The following EHBP1 variants were observed in gnomAD, a reference collection of about 807,000 sequenced individuals.
EHBP1 encodes EH domain-binding protein 1.
EHBP1 carries 55 observed loss-of-function variants against 144.0 expected under a neutral mutation model. That is an observed-to-expected ratio of 0.38 (90% CI 0.31 to 0.48). The LOEUF is 0.48. Among genes scored for constraint, EHBP1 ranks in the 20% least tolerant of loss-of-function variants. The probability of loss-of-function intolerance (pLI) is 0.98; values close to 1 mark genes in which losing one functional copy is unlikely to be tolerated. For synonymous variants in EHBP1, 469 were observed against 472.7 expected (o/e 0.99, Z 0.10); for missense variants, 1,200 against 1,364.2 (o/e 0.88, Z 1.90).
chr2:63,037,541 A>G lies in EHBP1; in HGVS notation c.3110A>G (p.Asn1037Ser). 1 of 1,604,826 alleles carries G rather than the reference A, an allele frequency of 6.2e-7. No individual in the cohort carries two copies. The highest frequency in any genetic ancestry group is 8.5e-7 in the Non-Finnish European group (1 of 1,174,794). ...AACTCTTCCCGAATTATAGGAAGGAACACAGAAGAAGAAGAAGCTATGATG... is the reference window on the plus strand; with the variant it reads ...AACTCTTCCCGAATTATAGGAAGGAGCACAGAAGAAGAAGAAGCTATGATG... ...RLRYLMDTGR[N>S]TEEEEAMMQE... The change falls in exon 20 of 23, where the codon AAC (asparagine) becomes AGC (serine). Residue 1037 changes from asparagine to serine, a missense_variant. By Grantham distance (46) the Asn-to-Ser change is conservative. Transcript: ENST00000431489.
intron 14 of EHBP1, among the ~76,000 whole-genome samples, chr2:62,973,831 C>T (rs1233812021): frequency 1.3e-5 from 2 of 152,166 alleles, no homozygotes; most frequent in East Asian, 3.9e-4. Context: ...GAAACCCCAT[C>T]TCTCCAAAAT....
intron 10 of EHBP1, among the ~76,000 whole-genome samples, chr2:62,893,764 C>G (rs2052647195): frequency 6.6e-6 from 1 of 152,074 alleles, no homozygotes; most frequent in Admixed American, 6.6e-5. Context: ...TGTATTAAGG[C>G]TGGGCATGGT....
At chr2:62,904,537 C>T (rs549875793) in intron 10 of EHBP1, among the ~76,000 whole-genome samples, 2 of 152,200 alleles carry the variant, frequency 1.3e-5, no homozygotes, top group African/African-American at 2.4e-5. Flanking sequence ...GCTTCACCCC[C>T]CCGGCCCATG....
chr2:62,759,021 TGTACTAGGTACAC>T lies in EHBP1; in HGVS notation c.163-5242_163-5230del, dbSNP rs2040539044. Among the ~76,000 whole-genome samples, 4 of 152,356 alleles carry T rather than the reference TGTACTAGGTACAC, an allele frequency of 2.6e-5. No homozygotes were observed. In the South Asian group the frequency reaches 8.3e-4, roughly 32 times the overall value. On this transcript the variant is annotated intron_variant, in intron 3 of 22. Transcript: ENST00000431489. ...TGATTGCTAACTCTGTACTTAGTTCTGTACTAGGTACACGTTTTTTAGGTAAGAATATGACATG... is the reference window on the plus strand; with the variant it reads ...TGATTGCTAACTCTGTACTTAGTTCTGTTTTTTAGGTAAGAATATGACATG...
At chr2:62,818,234 C>A (rs2045593569) in intron 5 of EHBP1, among the ~76,000 whole-genome samples, 1 of 138,034 alleles carries the variant, frequency 7.2e-6, no homozygotes, top group African/African-American at 2.7e-5. Context: ...CACTCACTCA[C>A]TGACTTAACC....
intron 8 of EHBP1, among the ~76,000 whole-genome samples, chr2:62,860,243 G>A (rs2160100): frequency 0.82 from 124,805 of 152,176 alleles, 51,645 homozygotes; most frequent in African/African-American, 0.94. Context: ...TAATCTCAGC[G>A]CTTTGGGAGG....
At chr2:62,788,330 A>G (rs758494310) in intron 5 of EHBP1, among the ~76,000 whole-genome samples, 2 of 151,910 alleles carry the variant, frequency 1.3e-5, no homozygotes, top group Non-Finnish European at 2.9e-5. Flanking sequence ...CATAATTCGT[A>G]TGTGTTGTGA....
At chr2:62,837,462 A>G (rs1399653039) in intron 7 of EHBP1, among the ~76,000 whole-genome samples, 1 of 151,974 alleles carries the variant, frequency 6.6e-6, no homozygotes, top group East Asian at 1.9e-4. Context: ...TAACATCATA[A>G]TGACAGGATC....
intron 7 of EHBP1, among the ~76,000 whole-genome samples, chr2:62,851,826 A>G (rs1322444889): frequency 1.3e-5 from 2 of 152,174 alleles, no homozygotes; most frequent in Non-Finnish European, 2.9e-5. Context: ...TACTTAAGCT[A>G]AGGATAAATG....
intron 10 of EHBP1, among the ~76,000 whole-genome samples, chr2:62,917,186 A>G (rs948321024): frequency 6.6e-6 from 1 of 152,194 alleles, no homozygotes; most frequent in Admixed American, 6.5e-5. Context: ...TTGTAACACA[A>G]TAGTATTTGT....
chr2:63,037,685 GGCCTCTTGTTATT>G (rs2061495286), intron 20 of EHBP1, 51 bp downstream of exon 20: 1 of 1,096,160 alleles, frequency 9.1e-7, no homozygotes, highest in African/African-American at 1.6e-5. Flanking sequence ...ATAAATCTTA[GGCCTCTTGTTATT>G]GCCTTCTTTG....
chr2:62,848,691 A>G (rs1001488613), intron 7 of EHBP1, among the ~76,000 whole-genome samples: 4 of 152,244 alleles, frequency 2.6e-5, no homozygotes, highest in Non-Finnish European at 5.9e-5. Flanking sequence ...ACACTATATG[A>G]TTTCACTTAT....
chr2:62,749,701 T>G (rs1313377092), intron 3 of EHBP1, among the ~76,000 whole-genome samples: 2 of 152,170 alleles, frequency 1.3e-5, no homozygotes, highest in African/African-American at 2.4e-5. Context: ...GGTATCTCAT[T>G]GTGGTTTTGA....
Position 63,045,313 on chromosome 2 carries a change from T to G in EHBP1, c.3393-97T>G, listed in dbSNP as rs2061910843. 7.1e-7 allele frequency: 1 copy of G among 1,398,974 alleles called. No individual in the cohort carries two copies. The highest frequency in any genetic ancestry group is 2.4e-5 in the East Asian group (1 of 41,986). The allele number at this position is 1,398,974 out of a possible 1,614,324, so 86.7% of individuals were successfully genotyped here. A position where few individuals can be genotyped will look rare whatever the true frequency, so the allele number is the denominator to read the frequency against. ...CTGGCCTGGTGCTCCCCATTCCCGC[T>G]GGGGATCCAAATACTGGGCGACGGG... On this transcript the variant is annotated intron_variant, in intron 22 of 22. Coordinates refer to ENST00000431489, the MANE Select transcript of EHBP1 (RefSeq NM_001142616.3). The surrounding 1 kb of genome is among the most constrained non-coding windows in gnomAD (Gnocchi z 5.7).
At chr2:62,701,388 A>G (rs977598576), upstream of EHBP1, among the ~76,000 whole-genome samples, 2 of 152,174 alleles carry the variant, frequency 1.3e-5, no homozygotes, top group African/African-American at 2.4e-5. Flanking sequence ...TACTTATAGC[A>G]CATCTCAATT....
chr2:62,833,250 G>T (rs1243696391), intron 7 of EHBP1, among the ~76,000 whole-genome samples: 1 of 152,194 alleles, frequency 6.6e-6, no homozygotes, highest in Non-Finnish European at 1.5e-5. Flanking sequence ...GGTTCATAAG[G>T]TTTAAGGAAA....
intron 19 of EHBP1, among the ~76,000 whole-genome samples, chr2:63,005,452 T>C (rs2059999788): frequency 6.6e-6 from 1 of 152,086 alleles, no homozygotes; most frequent in Non-Finnish European, 1.5e-5. Flanking sequence ...GTTCTAGAGT[T>C]CTCTCAGGGT....
At chr2:62,867,529 C>T (rs1275953151) in intron 9 of EHBP1, among the ~76,000 whole-genome samples, 1 of 151,842 alleles carries the variant, frequency 6.6e-6, no homozygotes, top group Non-Finnish European at 1.5e-5. Context: ...CAAAGATGTG[C>T]AATATGTATA....
At chr2:62,792,996 G>A (rs998742771) in intron 5 of EHBP1, among the ~76,000 whole-genome samples, 62 of 151,650 alleles carry the variant, frequency 4.1e-4, no homozygotes, top group African/African-American at 1.5e-3. Context: ...TAATGACAAT[G>A]CTACGTATAT....
Sources: allele counts gnomAD v4.1 joint callset (sites outside exome capture counted in the v4.1 genomes callset), GRCh38; gene constraint gnomAD v4.1.1; non-coding constraint Gnocchi (gnomAD v3.1); transcripts MANE v1.5; gene names NCBI Gene and HGNC (gene_info 2026-07-23, HGNC 2026-07-21).